The following WDPCP variants were observed in gnomAD, a reference collection of about 807,000 sequenced individuals.
WDPCP encodes WD repeat containing planar cell polarity effector, also known as WD repeat-containing and planar cell polarity effector protein fritz homolog.
Under a neutral mutation model 93.1 loss-of-function variants are expected in WDPCP, and 71 were observed. The ratio of observed to expected loss-of-function variants is 0.76; its 90% CI spans 0.63 to 0.93. The LOEUF is 0.93. Among genes scored for constraint, WDPCP ranks in the 40% least tolerant of loss-of-function variants. The pLI is 0.00. For missense variants in WDPCP, 844 were observed against 887.4 expected (o/e 0.95, Z 0.62); for synonymous variants, 315 against 315.0 (o/e 1.00, Z 0.00).
At chr2:63,210,550 T>A (rs1183170538) in intron 14 of WDPCP, among the ~76,000 whole-genome samples, 1 of 152,156 alleles carries the variant, frequency 6.6e-6, no homozygotes, top group Non-Finnish European at 1.5e-5. Context: ...ACAGGTGATT[T>A]CTGCATTTCC....
rs567874382 is a variant in WDPCP, at chr2:63,260,884, A to G, written c.1813-1475T>C. Among the ~76,000 whole-genome samples, 19 of 152,322 alleles carry G rather than the reference A, an allele frequency of 1.2e-4. 1 individual carries two copies. In the South Asian group the frequency reaches 3.5e-3, roughly 28 times the overall value. On this transcript the variant is annotated intron_variant, in intron 13 of 17. Coordinates refer to ENST00000272321, the MANE Select transcript of WDPCP (RefSeq NM_015910.7). ...TTATAGAGCCAAGGATCAGTAAGCT[A>G]TGGCCCATGGGCCAAATCTAGCCTG...
chr2:63,826,163 A>C (rs940684902), intron 1 of WDPCP, among the ~76,000 whole-genome samples: 1 of 152,040 alleles, frequency 6.6e-6, no homozygotes, highest in Non-Finnish European at 1.5e-5. Flanking sequence ...ACGTACCAAA[A>C]ATAACACATT....
chr2:63,209,139 C>T (rs1445562190), intron 14 of WDPCP, among the ~76,000 whole-genome samples: 2 of 152,248 alleles, frequency 1.3e-5, no homozygotes, highest in African/African-American at 4.8e-5. Context: ...GCCCAAAAGG[C>T]TGCCTCCATC....
intron 1 of WDPCP, among the ~76,000 whole-genome samples, chr2:63,546,614 C>G (rs1230314713): frequency 1.3e-5 from 2 of 152,088 alleles, no homozygotes. Flanking sequence ...TTGACTTAGC[C>G]CAAACTGGTG....
intron 14 of WDPCP, among the ~76,000 whole-genome samples, chr2:63,243,888 G>A (rs1164690354): frequency 1.3e-5 from 2 of 151,994 alleles, no homozygotes; most frequent in Non-Finnish European, 2.9e-5. Context: ...TCTACAGAAT[G>A]CTCCATGCAA....
rs567787909 is a variant in WDPCP, at chr2:63,132,011, T to C, written c.2191-9955A>G. On this transcript the variant is annotated intron_variant, in intron 17 of 17. Coordinates refer to ENST00000272321, the MANE Select transcript of WDPCP (RefSeq NM_015910.7). ...CACCATGCCTGGCTAATATTTTGTA[T>C]TTTTAGTAGAGATGGGGTTTCAACA... is the stretch of plus-strand genomic sequence containing the variant. Among the ~76,000 whole-genome samples, 39 of 151,908 alleles carry C rather than the reference T, an allele frequency of 2.6e-4. No individual in the cohort carries two copies. The South Asian group carries it at 7.9e-3, about 31-fold the overall frequency.
At chr2:63,702,267 C>A (rs573800799) in intron 2 of WDPCP, among the ~76,000 whole-genome samples, 1 of 152,144 alleles carries the variant, frequency 6.6e-6, no homozygotes, top group African/African-American at 2.4e-5. Context: ...CTCAGGTGAT[C>A]CGCCTGCTTC....
At chr2:63,418,305 A>G (rs1377062860) in intron 9 of WDPCP, among the ~76,000 whole-genome samples, 1 of 152,232 alleles carries the variant, frequency 6.6e-6, no homozygotes, top group Non-Finnish European at 1.5e-5. Flanking sequence ...GATGCTAAGA[A>G]AAAAGAACGA....
chr2:63,721,964 C>T (rs1023958624), intron 2 of WDPCP, among the ~76,000 whole-genome samples: 2 of 152,274 alleles, frequency 1.3e-5, no homozygotes, highest in Admixed American at 1.3e-4. Flanking sequence ...CCCCTAACCG[C>T]AAGTGATCCA....
chr2:63,595,337 T>C, intron 3 of WDPCP: 1 of 838,514 alleles, frequency 1.2e-6, no homozygotes, highest in South Asian at 1.4e-5. Flanking sequence ...TGCATGTACA[T>C]ACCAAATAAA....
intron 2 of WDPCP, among the ~76,000 whole-genome samples, chr2:63,719,445 G>T (rs1192976399): frequency 1.3e-5 from 2 of 152,176 alleles, no homozygotes; most frequent in Non-Finnish European, 2.9e-5. Context: ...AGGCAAAAGA[G>T]GCTGGTAGAG....
chr2:63,720,906 C>G (rs952081472), intron 2 of WDPCP, among the ~76,000 whole-genome samples: 1 of 152,216 alleles, frequency 6.6e-6, no homozygotes, highest in Non-Finnish European at 1.5e-5. Flanking sequence ...GCCAAGTTCC[C>G]CCAGTCAGAA....
intron 14 of WDPCP, among the ~76,000 whole-genome samples, chr2:63,220,652 T>G (rs536191141): frequency 6.6e-6 from 1 of 152,088 alleles, no homozygotes; most frequent in African/African-American, 2.4e-5. Flanking sequence ...AAAGTTACTA[T>G]GCAGTGATGT....
At chr2:63,706,524 G>C (rs1184118941) in intron 2 of WDPCP, among the ~76,000 whole-genome samples, 3 of 147,530 alleles carry the variant, frequency 2.0e-5, no homozygotes, top group Non-Finnish European at 3.0e-5. Context: ...TTGCTTGTCT[G>C]TAAAGTATTT....
At chr2:63,356,860 A>C (rs775576335) in intron 12 of WDPCP, among the ~76,000 whole-genome samples, 8 of 152,224 alleles carry the variant, frequency 5.3e-5, no homozygotes, top group Non-Finnish European at 1.2e-4. Flanking sequence ...ACATCATGTT[A>C]TCCTACTTCA....
chr2:63,758,196 C>T (rs568445571), intron 2 of WDPCP, among the ~76,000 whole-genome samples: 17 of 151,784 alleles, frequency 1.1e-4, no homozygotes, highest in African/African-American at 4.1e-4. Context: ...AACTCAGCAG[C>T]CCAGCACCAC....
intron 2 of WDPCP, among the ~76,000 whole-genome samples, chr2:63,786,541 C>T (rs1670468934): frequency 6.6e-6 from 1 of 152,146 alleles, no homozygotes; most frequent in African/African-American, 2.4e-5. Flanking sequence ...CACAGCCTCT[C>T]ACTAAATTCT....
intron 7 of WDPCP, chr2:63,438,172 G>T: frequency 4.1e-6 from 1 of 242,930 alleles, no homozygotes; most frequent in Non-Finnish European, 6.6e-6. Flanking sequence ...AATATTTGTG[G>T]ATTATATAAA....
chr2:63,452,755 T>C (rs13385769), intron 6 of WDPCP, among the ~76,000 whole-genome samples: 11 of 151,920 alleles, frequency 7.2e-5, no homozygotes, highest in East Asian at 1.9e-4. Flanking sequence ...ATATAGACCA[T>C]TGGAACAGAA....
Sources: gnomAD v4.1 joint callset for allele counts (sites outside exome capture counted in the v4.1 genomes callset) on GRCh38, gnomAD v4.1.1 for gene constraint, MANE v1.5 for transcripts, NCBI Gene and HGNC (gene_info 2026-07-23, HGNC 2026-07-21) for gene names.